LOC400499: variants seen among roughly 807,000 people sequenced by gnomAD.
the LOC400499 span, chr16:11,460,424 C>A: frequency 6.8e-7 from 1 of 1,473,920 alleles, no homozygotes; most frequent in Middle Eastern, 1.7e-4. Flanking sequence ...CAGATCACCA[C>A]TTGCCTGACT....
At chr16:11,516,092 A>T in the LOC400499 span, 2 of 399,306 alleles carry the variant, frequency 5.0e-6, no homozygotes, top group Non-Finnish European at 8.8e-6. Flanking sequence ...GGACAGGTCA[A>T]CCTTCTGGCC....
chr16:11,433,206 G>C, the LOC400499 span, among the ~76,000 whole-genome samples: 7 of 152,318 alleles, frequency 4.6e-5, no homozygotes, highest in African/African-American at 1.7e-4. Flanking sequence ...CTGAGAGTCT[G>C]CCAACTCCTG....
At chr16:11,414,649 G>C in the LOC400499 span, 1 of 398,058 alleles carries the variant, frequency 2.5e-6, no homozygotes. Context: ...CTGCCACAGC[G>C]TGGGTGCTGG....
chr16:11,459,982 C>G, the LOC400499 span: 4 of 1,516,266 alleles, frequency 2.6e-6, no homozygotes, highest in East Asian at 2.5e-5. Flanking sequence ...CTGTTCTTGT[C>G]CCAGTGCTTC....
At chr16:11,417,691 G>T in the LOC400499 span, 1 of 399,276 alleles carries the variant, frequency 2.5e-6, no homozygotes, top group Non-Finnish European at 4.4e-6. Flanking sequence ...CCACAACAAA[G>T]CCTCACTGTT....
At chr16:11,393,528 A>T in the LOC400499 span, 21 of 1,232,274 alleles carry the variant, frequency 1.7e-5, no homozygotes, top group Admixed American at 8.4e-5. Context: ...ACGGCCCAGT[A>T]GGCCAACCCG....
At chr16:11,497,320 AG>A in the LOC400499 span, among the ~76,000 whole-genome samples, 1 of 152,210 alleles carries the variant, frequency 6.6e-6, no homozygotes, top group Non-Finnish European at 1.5e-5. Context: ...GCCTGGAAAA[AG>A]CACATTCAAT....
the LOC400499 span, among the ~76,000 whole-genome samples, chr16:11,485,278 G>A: frequency 5.8e-3 from 876 of 152,190 alleles, 8 homozygotes; most frequent in Middle Eastern, 0.014. Flanking sequence ...GATGCCACAC[G>A]GTAAGAATTC....
the LOC400499 span, chr16:11,521,996 A>C: frequency 2.5e-6 from 1 of 399,230 alleles, no homozygotes. Context: ...AGGACAGCCA[A>C]GCCTTGGAGG....
the LOC400499 span, chr16:11,450,954 G>A: frequency 3.0e-5 from 23 of 763,534 alleles, no homozygotes; most frequent in East Asian, 5.4e-5. Context: ...AGGCATGAGG[G>A]AACTTTCTAG....
At chr16:11,525,897 T>C in the LOC400499 span, among the ~76,000 whole-genome samples, 1 of 152,204 alleles carries the variant, frequency 6.6e-6, no homozygotes, top group Non-Finnish European at 1.5e-5. Context: ...CACTGCACAC[T>C]GGAGGTAATA....
the LOC400499 span, among the ~76,000 whole-genome samples, chr16:11,421,450 G>A: frequency 2.6e-5 from 4 of 151,980 alleles, no homozygotes; most frequent in South Asian, 2.1e-4. Flanking sequence ...CACCCAGTCC[G>A]GAGTGCAGTG....
At chr16:11,434,241 T>A in the LOC400499 span, among the ~76,000 whole-genome samples, 5 of 152,136 alleles carry the variant, frequency 3.3e-5, no homozygotes, top group Admixed American at 3.3e-4. Context: ...TAAGTAATAA[T>A]GTATAAAGGG....
At chr16:11,393,442 A>G in the LOC400499 span, 2 of 1,232,250 alleles carry the variant, frequency 1.6e-6, no homozygotes, top group Non-Finnish European at 2.0e-6. Context: ...CGGAACACAG[A>G]CAGCCTCACT....
chr16:11,428,485 T>A, the LOC400499 span, among the ~76,000 whole-genome samples: 2 of 152,132 alleles, frequency 1.3e-5, no homozygotes, highest in Admixed American at 6.5e-5. Flanking sequence ...ATCCCTCCCC[T>A]TTTTAGACCA....
the LOC400499 span, chr16:11,493,610 C>T: frequency 3.8e-5 from 15 of 396,216 alleles, no homozygotes; most frequent in African/African-American, 2.7e-4. Flanking sequence ...CACCACCCAA[C>T]CCCAACCCCA....
chr16:11,379,241 C>T, the LOC400499 span, among the ~76,000 whole-genome samples: 1 of 152,106 alleles, frequency 6.6e-6, no homozygotes, highest in African/African-American at 2.4e-5. Context: ...GAGTGAGATT[C>T]CATCTCAAAA....
the LOC400499 span, among the ~76,000 whole-genome samples, chr16:11,498,621 G>T: frequency 6.6e-6 from 1 of 151,818 alleles, no homozygotes; most frequent in Non-Finnish European, 1.5e-5. Flanking sequence ...CACGAACCCG[G>T]TGCATTCCCA....
chr16:11,502,913 C>T, the LOC400499 span, among the ~76,000 whole-genome samples: 27 of 64,228 alleles, frequency 4.2e-4, no homozygotes, highest in African/African-American at 1.5e-3. Flanking sequence ...CACACCTGGA[C>T]CACCTTTTTT....
Sources: gnomAD v4.1 joint callset for allele counts (sites outside exome capture counted in the v4.1 genomes callset) on GRCh38, gnomAD v4.1.1 for gene constraint, MANE v1.5 for transcripts.